The following GATAD2A variants were observed in gnomAD, a reference collection of about 807,000 sequenced individuals.
GATAD2A encodes transcriptional repressor p66-alpha.
Under a neutral mutation model 68.5 loss-of-function variants are expected in GATAD2A, and 12 were observed. The observed-to-expected ratio is 0.18, with a 90% confidence interval of 0.11 to 0.28. The LOEUF is 0.28. Ranked by LOEUF, GATAD2A falls within the 10% of genes least tolerant of loss-of-function variation. The probability of loss-of-function intolerance (pLI) is 1.00; values close to 1 mark genes in which losing one functional copy is unlikely to be tolerated. For missense variants in GATAD2A, 755 were observed against 868.5 expected, an observed-to-expected ratio of 0.87 and a Z score of 1.64; for synonymous variants, 410 against 375.3, an observed-to-expected ratio of 1.09 and a Z score of -1.07.
At chr19:19,435,382 C>G (rs1348479225) in intron 1 of GATAD2A, among the ~76,000 whole-genome samples, 1 of 152,128 alleles carries the variant, frequency 6.6e-6, no homozygotes, top group Non-Finnish European at 1.5e-5. Context: ...CGCCACCACA[C>G]CTGGCTAATT....
Position 19,472,015 on chromosome 19 carries a change from A to G in GATAD2A, c.269+6401A>G, listed in dbSNP as rs536590812. ...GGCTCAAGCCACTCAAGTAGGTGGGACCATAGATGCATGCTACTACACCTG... is the reference window on the plus strand; with the variant it reads ...GGCTCAAGCCACTCAAGTAGGTGGGGCCATAGATGCATGCTACTACACCTG... On this transcript the variant is annotated intron_variant, in intron 2 of 11. Transcript: ENST00000683918. Among the ~76,000 whole-genome samples, 4 of 152,328 alleles carry G rather than the reference A, an allele frequency of 2.6e-5. No homozygotes were observed. In the East Asian group the frequency reaches 7.7e-4, roughly 29 times the overall value.
At chr19:19,386,686 G>T (rs1446103764) in intron 1 of GATAD2A, among the ~76,000 whole-genome samples, 8 of 151,888 alleles carry the variant, frequency 5.3e-5, no homozygotes, top group Non-Finnish European at 2.9e-5. Flanking sequence ...TCCGAGGGGA[G>T]CCCTGTCTCT....
chr19:19,406,436 A>G (rs2050266867), intron 1 of GATAD2A, among the ~76,000 whole-genome samples: 1 of 150,596 alleles, frequency 6.6e-6, no homozygotes, highest in African/African-American at 2.4e-5. Context: ...CGGGTTGGGC[A>G]GCAACGCTGA....
chr19:19,496,321 T>A, intron 7 of GATAD2A, 102 bp downstream of exon 7: 2 of 1,099,740 alleles, frequency 1.8e-6, no homozygotes, highest in Non-Finnish European at 2.7e-6. Flanking sequence ...CCCTGGGCTG[T>A]GTGGCATGAC....
At chr19:19,458,429 T>C (rs1219710446) in intron 1 of GATAD2A, 1 of 152,270 alleles carries the variant, frequency 6.6e-6, no homozygotes. Context: ...ACATGCTTCA[T>C]GAGTCTAATT....
chr19:19,467,445 G>C (rs1009909098), intron 2 of GATAD2A, among the ~76,000 whole-genome samples: 1 of 152,008 alleles, frequency 6.6e-6, no homozygotes, highest in Non-Finnish European at 1.5e-5. Flanking sequence ...GTCTTCCAAG[G>C]GTAATCACTT....
chr19:19,493,795 T>A (rs1269423335), intron 4 of GATAD2A, among the ~76,000 whole-genome samples: 1 of 131,358 alleles, frequency 7.6e-6, no homozygotes, highest in Non-Finnish European at 1.5e-5. Context: ...GGAAAGAGCC[T>A]GCTGGTTTCT....
chr19:19,442,900 G>A (rs1033885258), intron 1 of GATAD2A, among the ~76,000 whole-genome samples: 2 of 152,092 alleles, frequency 1.3e-5, no homozygotes, highest in African/African-American at 4.8e-5. Context: ...GAAAGCAACA[G>A]GCATTTTTCC....
intron 1 of GATAD2A, among the ~76,000 whole-genome samples, chr19:19,431,466 C>A (rs1216277357): frequency 6.6e-6 from 1 of 151,470 alleles, no homozygotes; most frequent in African/African-American, 2.4e-5. Context: ...GAGGCTGAGG[C>A]AGGTGGAACA....
At chr19:19,414,833 C>T (rs1485716103) in intron 1 of GATAD2A, among the ~76,000 whole-genome samples, 1 of 99,572 alleles carries the variant, frequency 1.0e-5, no homozygotes, top group African/African-American at 4.3e-5. Context: ...CCACACCCTG[C>T]CCCCTTTTTT....
At chr19:19,469,095 C>T (rs750659773) in intron 2 of GATAD2A, among the ~76,000 whole-genome samples, 1 of 152,072 alleles carries the variant, frequency 6.6e-6, no homozygotes, top group African/African-American at 2.4e-5. Context: ...TACTGTAATG[C>T]CTAGAGCAGC....
chr19:19,402,755 T>TG (rs996840606), upstream of GATAD2A, among the ~76,000 whole-genome samples: 9 of 151,168 alleles, frequency 6.0e-5, no homozygotes, highest in African/African-American at 2.2e-4. Context: ...AGGGTTTTTT[T>TG]TTTTTGTTTT....
rs200604836 is a variant in GATAD2A, at chr19:19,505,443, G to A, written c.1874G>A (p.Arg625His). The A allele has an allele frequency of 3.4e-5, 54 of 1,607,314 alleles. No individual in the cohort carries two copies. Among genetic ancestry groups the A allele is most frequent in the South Asian group, 7.7e-5 (7 of 90,386 alleles). ...REYLLDMIPP[R>H]SIPQSATWK ...TACCTCCTGGACATGATCCCACCCCGCTCCATCCCCCAGTCAGCCACGTGG... is the reference window on the plus strand; with the variant it reads ...TACCTCCTGGACATGATCCCACCCCACTCCATCCCCCAGTCAGCCACGTGG... The change falls in exon 12 of 12, where the codon CGC (arginine) becomes CAC (histidine). Residue 625 changes from arginine (R) to histidine (H), a missense_variant. Coordinates refer to ENST00000683918, the MANE Select transcript of GATAD2A (RefSeq NM_001384528.1).
intron 1 of GATAD2A, among the ~76,000 whole-genome samples, chr19:19,433,817 C>G (rs148341001): frequency 9.3e-4 from 141 of 152,302 alleles, no homozygotes; most frequent in African/African-American, 3.1e-3. Flanking sequence ...CTCTGTTGCC[C>G]AGGCAGGAAT....
intron 1 of GATAD2A, among the ~76,000 whole-genome samples, chr19:19,435,834 A>G (rs2054279224): frequency 1.3e-5 from 2 of 152,194 alleles, no homozygotes; most frequent in Non-Finnish European, 2.9e-5. Flanking sequence ...TGGGCATAAG[A>G]TAAAAATAAT....
At position 19,502,019 on chromosome 19, in the gene GATAD2A, C is replaced by T; in HGVS notation, c.1554C>T (p.Asp518=). ...CGTTCCGCTCAGGAGAGGCCCGCGACTGGAGTAACGGGGCTGTGCTACAGG... is the reference window on the plus strand; with the variant it reads ...CGTTCCGCTCAGGAGAGGCCCGCGATTGGAGTAACGGGGCTGTGCTACAGG... ...KLAFRSGEAR[D]WSNGAVLQAS... Residue 518 remains aspartate, a synonymous_variant, in exon 10 of 12, where the codon GAC becomes GAT. Coordinates refer to ENST00000683918, the MANE Select transcript of GATAD2A (RefSeq NM_001384528.1). 1 of 1,613,832 alleles carries T rather than the reference C, an allele frequency of 6.2e-7. No homozygotes were observed. The highest frequency in any genetic ancestry group is 8.5e-7 in the Non-Finnish European group (1 of 1,179,814).
At chr19:19,446,842 G>A (rs2055782121) in intron 1 of GATAD2A, among the ~76,000 whole-genome samples, 1 of 152,146 alleles carries the variant, frequency 6.6e-6, no homozygotes, top group African/African-American at 2.4e-5. Context: ...TACAGGCGTG[G>A]GCCACTGCAT....
Position 19,507,984 on chromosome 19 carries a change from T to G in GATAD2A, c.*2510T>G, listed in dbSNP as rs770560906. The G allele has an allele frequency of 2.0e-5, 3 of 152,146 alleles. No individual in the cohort carries two copies. Among genetic ancestry groups the G allele is most frequent in the Non-Finnish European group, 2.9e-5 (2 of 68,030 alleles). The allele number at this position is 152,146 out of a possible 1,614,324, so 9.4% of individuals were successfully genotyped here. On this transcript the variant is annotated 3_prime_UTR_variant, in exon 12 of 12. Coordinates refer to ENST00000683918, the MANE Select transcript of GATAD2A (RefSeq NM_001384528.1). Reference sequence around the variant, plus strand: ...TGGACGCACCAGGATAGCTATTGATTAATGTTAAGGGTGTTCTACCCACAG... The same window carrying G: ...TGGACGCACCAGGATAGCTATTGATGAATGTTAAGGGTGTTCTACCCACAG...
chr19:19,484,518 C>CTT (rs58628123), intron 2 of GATAD2A, among the ~76,000 whole-genome samples: 21 of 114,430 alleles, frequency 1.8e-4, no homozygotes, highest in Admixed American at 2.8e-4. Context: ...TTTTCTTTTT[C>CTT]TTTTTTTTTT....
Sources: gnomAD v4.1 joint callset for allele counts (sites outside exome capture counted in the v4.1 genomes callset) on GRCh38, gnomAD v4.1.1 for gene constraint, MANE v1.5 for transcripts, NCBI Gene and HGNC (gene_info 2026-07-23, HGNC 2026-07-21) for gene names.